Variants in KCNT2 observed in about 807,000 individuals in gnomAD.
KCNT2 encodes potassium sodium-activated channel subfamily T member 2, also known as potassium channel subfamily T member 2.
KCNT2 carries 67 observed loss-of-function variants against 153.8 expected under a neutral mutation model. The ratio of observed to expected loss-of-function variants is 0.44; its 90% CI spans 0.36 to 0.53. The LOEUF (loss-of-function observed/expected upper bound fraction) is 0.53. KCNT2 is among the 20% of genes least tolerant of loss of function. The pLI is 0.00. For missense variants in KCNT2, 975 were observed against 1,354.8 expected, an observed-to-expected ratio of 0.72 and a Z score of 4.40; for synonymous variants, 500 against 458.8, an observed-to-expected ratio of 1.09 and a Z score of -1.15.
At chr1:196,240,070 T>C (rs1401670198) in intron 26 of KCNT2, among the ~76,000 whole-genome samples, 1 of 151,868 alleles carries the variant, frequency 6.6e-6, no homozygotes, top group Non-Finnish European at 1.5e-5. Flanking sequence ...GTTTAAACCA[T>C]GCACTCTGTG....
intron 1 of KCNT2, 139 bp downstream of exon 1, chr1:196,608,076 C>G: frequency 1.4e-6 from 1 of 724,756 alleles, no homozygotes; most frequent in Non-Finnish European, 2.5e-6. Context: ...AAATCAGAGT[C>G]TCTTTTACTC....
chr1:196,361,885 T>A, intron 14 of KCNT2, among the ~76,000 whole-genome samples: 1 of 146,362 alleles, frequency 6.8e-6, no homozygotes, highest in East Asian at 2.0e-4. Flanking sequence ...ACATTAAGAC[T>A]TTAAATTGTG....
chr1:196,476,684 C>A (rs1678561307), intron 5 of KCNT2, among the ~76,000 whole-genome samples: 2 of 152,144 alleles, frequency 1.3e-5, no homozygotes, highest in African/African-American at 4.8e-5. Context: ...ATCATTAAAC[C>A]TCAGGTTTCT....
intron 1 of KCNT2, among the ~76,000 whole-genome samples, chr1:196,505,728 C>T (rs991302523): frequency 1.3e-5 from 2 of 151,782 alleles, no homozygotes; most frequent in Non-Finnish European, 2.9e-5. Context: ...ATGGAATGTT[C>T]TTCCATTTCT....
intron 21 of KCNT2, among the ~76,000 whole-genome samples, chr1:196,305,987 T>C (rs1207271189): frequency 6.6e-6 from 1 of 152,124 alleles, no homozygotes; most frequent in Non-Finnish European, 1.5e-5. Flanking sequence ...CTCAAATATA[T>C]ACCAAAATGA....
At chr1:196,328,974 T>C (rs1664166580) in intron 18 of KCNT2, among the ~76,000 whole-genome samples, 1 of 152,096 alleles carries the variant, frequency 6.6e-6, no homozygotes, top group Non-Finnish European at 1.5e-5. Flanking sequence ...GCAACAAGAA[T>C]AGTGTTGAGC....
At chr1:196,553,625 A>G (rs530083548) in intron 1 of KCNT2, among the ~76,000 whole-genome samples, 17 of 151,300 alleles carry the variant, frequency 1.1e-4, no homozygotes, top group African/African-American at 4.1e-4. Context: ...AATGTGCACT[A>G]TAGAGCAAAT....
At chr1:196,290,128 G>T (rs1269060624) in intron 22 of KCNT2, among the ~76,000 whole-genome samples, 1 of 151,628 alleles carries the variant, frequency 6.6e-6, no homozygotes, top group African/African-American at 2.4e-5. Flanking sequence ...ACAAATTACT[G>T]GTTTCTATCC....
At chr1:196,339,322 C>T (rs1665363003) in intron 16 of KCNT2, among the ~76,000 whole-genome samples, 1 of 151,938 alleles carries the variant, frequency 6.6e-6, no homozygotes. Flanking sequence ...GGTGACCTTG[C>T]CTGAATAGTT....
At chr1:196,281,818 G>A (rs564677359) in intron 24 of KCNT2, among the ~76,000 whole-genome samples, 14 of 150,886 alleles carry the variant, frequency 9.3e-5, no homozygotes, top group Non-Finnish European at 1.9e-4. Context: ...GTGCAGTGGC[G>A]CGATCTCGGC....
intron 8 of KCNT2, among the ~76,000 whole-genome samples, chr1:196,453,293 G>A (rs1400840006): frequency 1.1e-4 from 17 of 151,856 alleles, no homozygotes; most frequent in Admixed American, 1.1e-3. Flanking sequence ...CGGCACTTGA[G>A]GACTTTGGCT....
chr1:196,550,130 A>T (rs1388690981), intron 1 of KCNT2, among the ~76,000 whole-genome samples: 1 of 151,900 alleles, frequency 6.6e-6, no homozygotes, highest in Non-Finnish European at 1.5e-5. Context: ...ACATTTTTTG[A>T]GTGTTCAATA....
intron 27 of KCNT2, 34 bp from the exon 28 acceptor site, chr1:196,228,369 A>G (rs778520184): frequency 8.9e-7 from 1 of 1,126,660 alleles, no homozygotes. Context: ...TAACTTTGCA[A>G]TAGTAAATAC....
chr1:196,304,626 T>C (rs1451453442), intron 22 of KCNT2, among the ~76,000 whole-genome samples: 2 of 152,124 alleles, frequency 1.3e-5, no homozygotes, highest in East Asian at 3.9e-4. Context: ...AAAAACCATC[T>C]ACACCCACAC....
chr1:196,480,930 T>A (rs1372378955), intron 4 of KCNT2, among the ~76,000 whole-genome samples: 1 of 150,310 alleles, frequency 6.7e-6, no homozygotes, highest in African/African-American at 2.4e-5. Context: ...AAAAAGCAAT[T>A]TGAATAGATC....
At chr1:196,558,411 GT>G (rs1211937565) in intron 1 of KCNT2, among the ~76,000 whole-genome samples, 3 of 148,356 alleles carry the variant, frequency 2.0e-5, no homozygotes, top group Non-Finnish European at 4.5e-5. Context: ...GTGGTTTTTT[GT>G]TTCTTTTGTT....
At chr1:196,530,492 G>A (rs1411618030) in intron 1 of KCNT2, among the ~76,000 whole-genome samples, 4 of 151,780 alleles carry the variant, frequency 2.6e-5, no homozygotes, top group African/African-American at 4.8e-5. Flanking sequence ...GTGGAAAACC[G>A]ATATATAAAC....
chr1:196,316,344 G>A (rs1199031420), intron 20 of KCNT2, among the ~76,000 whole-genome samples: 3 of 151,402 alleles, frequency 2.0e-5, no homozygotes, highest in Non-Finnish European at 4.4e-5. Flanking sequence ...ATAAAATAGA[G>A]CATATTAGAA....
chr1:196,424,228 G>A (rs1673455100), intron 11 of KCNT2, among the ~76,000 whole-genome samples: 1 of 151,642 alleles, frequency 6.6e-6, no homozygotes, highest in African/African-American at 2.4e-5. Flanking sequence ...ATCCTAAATA[G>A]TATATAGCTT....
Sources: allele counts gnomAD v4.1 joint callset (sites outside exome capture counted in the v4.1 genomes callset), GRCh38; gene constraint gnomAD v4.1.1; transcripts MANE v1.5; gene names NCBI Gene and HGNC (gene_info 2026-07-23, HGNC 2026-07-21).